The following PCMTD1 variants were observed in gnomAD, a reference collection of about 807,000 sequenced individuals.
PCMTD1 encodes the protein protein-L-isoaspartate O-methyltransferase domain-containing protein 1.
PCMTD1 carries 12 observed loss-of-function variants against 37.6 expected under a neutral mutation model. That is an observed-to-expected ratio of 0.32 (90% CI 0.20 to 0.52). The LOEUF (loss-of-function observed/expected upper bound fraction) is 0.52, where lower values mean the gene tolerates loss of function less well. Among genes scored for constraint, PCMTD1 ranks in the 20% least tolerant of loss-of-function variants. PCMTD1 has a pLI of 0.97. For missense variants in PCMTD1, 235 were observed against 421.3 expected (o/e 0.56, Z 3.87); for synonymous variants, 117 against 135.8 (o/e 0.86, Z 0.96).
At chr8:51,822,294 T>C (rs1395474129) in intron 5 of PCMTD1, among the ~76,000 whole-genome samples, 1 of 151,840 alleles carries the variant, frequency 6.6e-6, no homozygotes, top group African/African-American at 2.4e-5. Flanking sequence ...ATGGGAGAGA[T>C]GGACAAATTT....
intron 1 of PCMTD1, among the ~76,000 whole-genome samples, chr8:51,883,529 T>A (rs1461379814): frequency 6.6e-6 from 1 of 152,146 alleles, no homozygotes; most frequent in Non-Finnish European, 1.5e-5. Context: ...TAAACCACAG[T>A]AAATCTCACA....
intron 2 of PCMTD1, among the ~76,000 whole-genome samples, chr8:51,847,153 A>T (rs2038233506): frequency 6.6e-6 from 1 of 152,220 alleles, no homozygotes; most frequent in Admixed American, 6.5e-5. Flanking sequence ...ATTACTCCAG[A>T]TAAACTGAGT....
At chr8:51,873,177 C>A (rs2038662304) in intron 1 of PCMTD1, among the ~76,000 whole-genome samples, 1 of 152,012 alleles carries the variant, frequency 6.6e-6, no homozygotes, top group Non-Finnish European at 1.5e-5. Flanking sequence ...TTCTTAAGTA[C>A]CATAGGAATA....
At chr8:51,895,938 CTTTTTTTTT>C (rs869265261) in intron 1 of PCMTD1, 1 of 25,736 alleles carries the variant, frequency 3.9e-5, no homozygotes. Context: ...TGTCCCATTT[CTTTTTTTTT>C]TTTTTTTTTT....
At chr8:51,895,131 A>G (rs1738253656) in intron 1 of PCMTD1, among the ~76,000 whole-genome samples, 1 of 152,202 alleles carries the variant, frequency 6.6e-6, no homozygotes, top group South Asian at 2.1e-4. Context: ...AACTCTAAAA[A>G]GGAAAAGAAC....
At chr8:51,854,352 C>T (rs567306265) in intron 2 of PCMTD1, among the ~76,000 whole-genome samples, 1 of 146,790 alleles carries the variant, frequency 6.8e-6, no homozygotes, top group African/African-American at 2.4e-5. Flanking sequence ...ACTTCTACTC[C>T]ACAACCAGTG....
upstream of PCMTD1, chr8:51,899,154 C>T (rs1456189288): frequency 1.3e-5 from 17 of 1,340,320 alleles, no homozygotes; most frequent in Non-Finnish European, 1.4e-5. Flanking sequence ...CCGCGGACGC[C>T]AAAGTCAACA....
Position 51,890,918 on chromosome 8 carries a change from T to TA in PCMTD1, c.-96+8011dup, listed in dbSNP as rs1359281297. 2.6e-5 allele frequency among the ~76,000 whole-genome samples: 4 copies of TA among 152,306 alleles called. No homozygotes were observed. The East Asian group carries it at 7.7e-4, about 29-fold the overall frequency. Reference sequence around the variant, plus strand: ...CACAGGATTACATGGCAGAAGGACTTACAAAGCTGGACATTTCTAGTGGTG... The same window carrying TA: ...CACAGGATTACATGGCAGAAGGACTTAACAAAGCTGGACATTTCTAGTGGTG... On this transcript the variant is annotated intron_variant, in intron 1 of 5. Coordinates refer to ENST00000522514, the MANE Select transcript of PCMTD1 (RefSeq NM_052937.4).
intron 1 of PCMTD1, among the ~76,000 whole-genome samples, chr8:51,877,127 T>C (rs1426736221): frequency 1.3e-5 from 2 of 152,224 alleles, no homozygotes; most frequent in Admixed American, 6.5e-5. Context: ...ATAAATTTAA[T>C]TTTTTTAGCA....
At chr8:51,866,849 G>A (rs1238255537) in intron 1 of PCMTD1, among the ~76,000 whole-genome samples, 1 of 151,912 alleles carries the variant, frequency 6.6e-6, no homozygotes, top group African/African-American at 2.4e-5. Flanking sequence ...GTAAAGTGAA[G>A]TGATAACATA....
At position 51,833,554 on chromosome 8, in the gene PCMTD1, T is replaced by C; in HGVS notation, c.546A>G (p.Lys182=). Residue 182 remains lysine, a synonymous_variant, in exon 4 of 6, where the codon AAA becomes AAG. Transcript: ENST00000522514. ...TAGGCATGACTAATATGCCTCCAAC[T>C]TTTAGTAATATTTTCATGTAGTTTT... ...DHENYMKILL[K]VGGILVMPIE... is the part of the protein sequence containing the mutation. The C allele has an allele frequency of 6.2e-7, 1 of 1,612,898 alleles. No homozygotes were observed. Among genetic ancestry groups the C allele is most frequent in the Non-Finnish European group, 8.5e-7 (1 of 1,179,432 alleles).
intron 3 of PCMTD1, chr8:51,844,716 T>G (rs2038194269): frequency 6.6e-6 from 1 of 152,218 alleles, no homozygotes; most frequent in South Asian, 2.1e-4. Context: ...TTTTAGCTTC[T>G]TCTCTCTGGT....
chr8:51,837,695 G>C (rs1481823085), intron 3 of PCMTD1, among the ~76,000 whole-genome samples: 1 of 152,156 alleles, frequency 6.6e-6, no homozygotes, highest in African/African-American at 2.4e-5. Context: ...CTTATAATAT[G>C]AACTTAGGTT....
At chr8:51,853,342 G>A (rs566245743) in intron 2 of PCMTD1, among the ~76,000 whole-genome samples, 12 of 152,198 alleles carry the variant, frequency 7.9e-5, no homozygotes, top group African/African-American at 7.2e-5. Context: ...CTAACCTGAC[G>A]CATTCAGTCC....
chr8:51,853,658 T>A (rs946126088), intron 2 of PCMTD1, among the ~76,000 whole-genome samples: 1 of 152,116 alleles, frequency 6.6e-6, no homozygotes, highest in Non-Finnish European at 1.5e-5. Context: ...TGAGAACTCA[T>A]CCTGGTAGAG....
intron 1 of PCMTD1, among the ~76,000 whole-genome samples, chr8:51,884,349 C>G (rs953554215): frequency 1.3e-5 from 2 of 152,200 alleles, no homozygotes; most frequent in Non-Finnish European, 2.9e-5. Context: ...TAGCCACTAT[C>G]AGCTGACTGG....
At chr8:51,896,004 G>A (rs1399762694) in intron 1 of PCMTD1, 1 of 137,100 alleles carries the variant, frequency 7.3e-6, no homozygotes, top group African/African-American at 2.8e-5. Context: ...GGAGTGAAGT[G>A]GAGCGATCTT....
intron 1 of PCMTD1, among the ~76,000 whole-genome samples, chr8:51,877,423 C>G (rs1160600045): frequency 6.6e-6 from 1 of 152,174 alleles, no homozygotes; most frequent in African/African-American, 2.4e-5. Flanking sequence ...AGAAGAGGAA[C>G]GGCTATGACA....
At chr8:51,859,279 C>T (rs147639959) in intron 2 of PCMTD1, among the ~76,000 whole-genome samples, 1 of 152,062 alleles carries the variant, frequency 6.6e-6, no homozygotes, top group African/African-American at 2.4e-5. Flanking sequence ...CTACTCTCAC[C>T]TCTAGATTTT....
Sources: gnomAD v4.1 joint callset for allele counts (sites outside exome capture counted in the v4.1 genomes callset) on GRCh38, gnomAD v4.1.1 for gene constraint, MANE v1.5 for transcripts, NCBI Gene and HGNC (gene_info 2026-07-23, HGNC 2026-07-21) for gene names.